ATXN10: variants seen among roughly 807,000 people sequenced by gnomAD.
ATXN10 encodes the protein ataxin-10.
A neutral mutation model predicts 52.9 loss-of-function variants in ATXN10; 28 were observed. That is an observed-to-expected ratio of 0.53 (90% CI 0.39 to 0.73). The LOEUF is 0.73. Ranked by LOEUF, ATXN10 falls within the 30% of genes least tolerant of loss-of-function variation. The pLI is 0.00. For synonymous variants in ATXN10, 226 were observed against 221.5 expected (o/e 1.02, Z -0.18); for missense variants, 565 against 577.0 (o/e 0.98, Z 0.21).
intron 5 of ATXN10, among the ~76,000 whole-genome samples, chr22:45,717,026 C>A (rs1377237037): frequency 6.6e-6 from 1 of 152,054 alleles, no homozygotes; most frequent in African/African-American, 2.4e-5. Context: ...GCTTGTAGTT[C>A]CCCAGACACA....
At position 45,727,022 on chromosome 22, in the gene ATXN10, GA is replaced by G. The variant is rs1924898861; in HGVS notation, c.729-2402del. On this transcript the variant is annotated intron_variant, in intron 6 of 11. Coordinates refer to ENST00000252934, the MANE Select transcript of ATXN10 (RefSeq NM_013236.4). The surrounding 1 kb of genome is among the most constrained non-coding windows in gnomAD (Gnocchi z 4.6). ...TCTAGTTCTTTGAGGTATGATGTTA[GA>G]TTGTCAACTTGTGGTCTTTCAGACT... is the stretch of plus-strand genomic sequence containing the variant. Among the ~76,000 whole-genome samples, 2 of 152,114 alleles carry G rather than the reference GA, an allele frequency of 1.3e-5. No homozygotes were observed. The highest frequency in any genetic ancestry group is 2.9e-5 in the Non-Finnish European group (2 of 68,022).
Position 45,784,098 on chromosome 22 carries a change from C to A in ATXN10, c.1174-22861C>A, listed in dbSNP as rs11912234. Reference sequence around the variant, plus strand: ...TTCATTTGCACACTTTGAGGTTTTCCAGCACATTTAATATTATTTCAGCCA... The same window carrying A: ...TTCATTTGCACACTTTGAGGTTTTCAAGCACATTTAATATTATTTCAGCCA... On this transcript the variant is annotated intron_variant, in intron 9 of 11. Coordinates refer to ENST00000252934, the MANE Select transcript of ATXN10 (RefSeq NM_013236.4). The surrounding 1 kb of genome is among the most constrained non-coding windows in gnomAD (Gnocchi z 4.2). Among the ~76,000 whole-genome samples the A allele has an allele frequency of 0.014, 2,164 of 152,248 alleles. 65 individuals are homozygous for A. The highest frequency in any genetic ancestry group is 0.05 in the African/African-American group (2,065 of 41,544).
rs1220008734 is a variant in ATXN10, at chr22:45,775,924, G to T, written c.1174-31035G>T. ...ACCTGGAGCTCCCGGAGATTAAGTG[G>T]AGCCACCATGGGCACCGACATCTGT... is the stretch of plus-strand genomic sequence containing the variant. On this transcript the variant is annotated intron_variant, in intron 9 of 11. Coordinates refer to ENST00000252934, the MANE Select transcript of ATXN10 (RefSeq NM_013236.4). The surrounding 1 kb of genome is among the most constrained non-coding windows in gnomAD (Gnocchi z 4.7). Among the ~76,000 whole-genome samples, 1 of 152,120 alleles carries T rather than the reference G, an allele frequency of 6.6e-6. No homozygotes were observed. The highest frequency in any genetic ancestry group is 6.5e-5 in the Admixed American group (1 of 15,274).
intron 5 of ATXN10, among the ~76,000 whole-genome samples, chr22:45,716,140 G>T (rs769507801): frequency 3.9e-5 from 6 of 152,068 alleles, no homozygotes; most frequent in Non-Finnish European, 5.9e-5. Flanking sequence ...TGGCACATGC[G>T]TGTAGTTCTA....
chr22:45,714,861 T>C (rs748838044), intron 5 of ATXN10, among the ~76,000 whole-genome samples: 3 of 152,260 alleles, frequency 2.0e-5, no homozygotes, highest in Non-Finnish European at 4.4e-5. Flanking sequence ...TTGGAATTTA[T>C]GTTGGTTTAA....
intron 9 of ATXN10, among the ~76,000 whole-genome samples, chr22:45,748,235 C>T (rs764140741): frequency 1.3e-5 from 2 of 152,042 alleles, no homozygotes; most frequent in Non-Finnish European, 2.9e-5. Flanking sequence ...ATAATACTTC[C>T]GTGTCCCTCC....
rs1276711166 is a variant in ATXN10, at chr22:45,818,327, T to C, written c.1237+11305T>C. Among the ~76,000 whole-genome samples, 1 of 152,204 alleles carries C rather than the reference T, an allele frequency of 6.6e-6. No homozygotes were observed. Among genetic ancestry groups the C allele is most frequent in the African/African-American group, 2.4e-5 (1 of 41,450 alleles). ...GAGCCATGGTCACTGCGTCCCTCTC[T>C]CTGCCTCAGGCCTCTGTGTTCCTGC... On this transcript the variant is annotated intron_variant, in intron 10 of 11. Coordinates refer to ENST00000252934, the MANE Select transcript of ATXN10 (RefSeq NM_013236.4). This position sits in a 1 kb window ranked among gnomAD's most constrained non-coding sequence, Gnocchi z 4.6.
intron 1 of ATXN10, 62 bp from the exon 2 acceptor site, chr22:45,689,650 A>G: frequency 2.0e-6 from 3 of 1,505,540 alleles, no homozygotes; most frequent in Non-Finnish European, 2.8e-6. Context: ...AGTTTTCTGA[A>G]TAGGACATTT....
chr22:45,693,438 A>G (rs944745017), intron 3 of ATXN10, among the ~76,000 whole-genome samples: 8 of 152,098 alleles, frequency 5.3e-5, no homozygotes, highest in Non-Finnish European at 1.2e-4. Context: ...TCTCGTCTTC[A>G]TAGATGGTGC....
chr22:45,778,292 G>T (rs1206653970), intron 9 of ATXN10, among the ~76,000 whole-genome samples: 2 of 152,104 alleles, frequency 1.3e-5, no homozygotes, highest in African/African-American at 4.8e-5. Context: ...TATATATTAT[G>T]AACTTACTAT....
chr22:45,675,276 C>T (rs772827922), intron 1 of ATXN10: 11 of 152,260 alleles, frequency 7.2e-5, no homozygotes, highest in Non-Finnish European at 1.3e-4. Context: ...TAGCAGCCCC[C>T]AAGTGAAAAG....
intron 7 of ATXN10, among the ~76,000 whole-genome samples, chr22:45,735,894 G>T (rs1925277700): frequency 6.8e-6 from 1 of 146,352 alleles, no homozygotes; most frequent in Admixed American, 6.9e-5. Flanking sequence ...ATCTGGAAGG[G>T]CATTTTACTC....
rs1926318987 is a variant in ATXN10 at position 45,759,882 on chromosome 22, T to C, written c.1173+19344T>C. 6.6e-6 allele frequency among the ~76,000 whole-genome samples: 1 copy of C among 152,212 alleles called. No individual in the cohort carries two copies. The highest frequency in any genetic ancestry group is 6.5e-5 in the Admixed American group (1 of 15,288). ...TGGCTGATAAGTTTTGACAGATGTC[T>C]GCACCTGTGTAATTATCACCCCAGT... On this transcript the variant is annotated intron_variant, in intron 9 of 11. Transcript: ENST00000252934. The surrounding 1 kb of genome is among the most constrained non-coding windows in gnomAD (Gnocchi z 5.4).
chr22:45,782,227 G>T (rs1927173456), intron 9 of ATXN10, among the ~76,000 whole-genome samples: 1 of 152,162 alleles, frequency 6.6e-6, no homozygotes, highest in African/African-American at 2.4e-5. Flanking sequence ...CCTTAGTCCA[G>T]GATACATCAA....
At position 45,693,027 on chromosome 22, in the gene ATXN10, T is replaced by A; in HGVS notation, c.340T>A (p.Leu114Met). 1 of 1,614,166 alleles carries A rather than the reference T, an allele frequency of 6.2e-7. No individual in the cohort carries two copies. The highest frequency in any genetic ancestry group is 8.5e-7 in the Non-Finnish European group (1 of 1,180,008). Residue 114 changes from leucine (L) to methionine (M), a missense_variant, in exon 3 of 12, where the codon TTG becomes ATG. Coordinates refer to ENST00000252934, the MANE Select transcript of ATXN10 (RefSeq NM_013236.4). ...NLDTIGVAVD[L>M]ILLFRELRVE... ...GGATACGATTGGTGTTGCTGTTGAT[T>A]TGATTCTTCTGTTTCGTGAACTGCG...
intron 1 of ATXN10, chr22:45,679,490 C>G (rs1922831325): frequency 6.6e-6 from 1 of 152,208 alleles, no homozygotes; most frequent in African/African-American, 2.4e-5. Context: ...CAACATACCA[C>G]AGAGGTAAAA....
At chr22:45,821,339 C>T (rs1203099224) in intron 10 of ATXN10, among the ~76,000 whole-genome samples, 4 of 146,316 alleles carry the variant, frequency 2.7e-5, no homozygotes, top group Middle Eastern at 3.6e-3. Context: ...TAGTGAGACC[C>T]GTCTCTTTAA....
chr22:45,791,337 A>C lies in ATXN10; in HGVS notation c.1174-15622A>C, dbSNP rs117461756. The stretch of plus-strand genomic sequence containing the variant: ...AAAATTATAGTATTTTATTGAATTT[A>C]TTTTTCTATATCAGTGCCAGGAGAC... On this transcript the variant is annotated intron_variant, in intron 9 of 11. Coordinates refer to ENST00000252934, the MANE Select transcript of ATXN10 (RefSeq NM_013236.4). Among the ~76,000 whole-genome samples the C allele has an allele frequency of 6.4e-3, 969 of 152,076 alleles. 7 individuals are homozygous for C. The highest frequency in any genetic ancestry group is 0.015 in the South Asian group (71 of 4,820).
In ATXN10 at chr22:45,729,497, G is replaced by A. The variant is rs376280245; in HGVS notation, c.801G>A (p.Val267=). 5.6e-5 allele frequency: 91 copies of A among 1,614,124 alleles called. No homozygotes were observed. The South Asian group carries it at 6.9e-4, about 12-fold the overall frequency. Residue 267 remains valine (V), a synonymous_variant, in exon 7 of 12, where the codon GTG becomes GTA. Coordinates refer to ENST00000252934, the MANE Select transcript of ATXN10 (RefSeq NM_013236.4). ...CACTCACCAAGGATGACATCCCTGT[G>A]TTTTTGCGGCATGCTGAGTTGATTG... is the stretch of plus-strand genomic sequence containing the variant. ...DEPLTKDDIP[V]FLRHAELIAS... is the part of the protein sequence containing the mutation.
Sources: gnomAD v4.1 joint callset for allele counts (sites outside exome capture counted in the v4.1 genomes callset) on GRCh38, gnomAD v4.1.1 for gene constraint, Gnocchi (gnomAD v3.1) non-coding constraint, MANE v1.5 for transcripts, NCBI Gene and HGNC (gene_info 2026-07-23, HGNC 2026-07-21) for gene names.